Variants in GADL1 observed in about 807,000 individuals in gnomAD.
The protein encoded by GADL1 is GAD like acidic amino acid decarboxylase 1.
Under a neutral mutation model 69.5 loss-of-function variants are expected in GADL1, and 71 were observed. The ratio of observed to expected loss-of-function variants is 1.02; its 90% CI spans 0.84 to 1.25. The LOEUF (loss-of-function observed/expected upper bound fraction) is 1.25, where lower values mean the gene tolerates loss of function less well. GADL1 is among the 50% of genes most tolerant of loss of function. The pLI is 0.00. For missense variants in GADL1, 737 were observed against 631.8 expected (o/e 1.17, Z -1.79); for synonymous variants, 254 against 214.4 (o/e 1.18, Z -1.62).
chr3:30,799,838 CAG>C (rs535457785), intron 12 of GADL1: 8 of 152,394 alleles, frequency 5.2e-5, no homozygotes, highest in African/African-American at 1.7e-4. Context: ...ATCTCTAGGA[CAG>C]GGGCAAAATG....
intron 11 of GADL1, among the ~76,000 whole-genome samples, chr3:30,804,797 T>C (rs746699689): frequency 1.3e-5 from 2 of 152,230 alleles, no homozygotes; most frequent in Non-Finnish European, 2.9e-5. Flanking sequence ...TTTACTACTT[T>C]ACTGTCTGGT....
chr3:30,813,184 C>T (rs542044366), intron 11 of GADL1, among the ~76,000 whole-genome samples: 3 of 152,304 alleles, frequency 2.0e-5, no homozygotes, highest in Non-Finnish European at 4.4e-5. Context: ...CTGTCAACTA[C>T]ATCACCTTGC....
intron 14 of GADL1, among the ~76,000 whole-genome samples, chr3:30,755,413 A>C (rs1425099432): frequency 6.6e-6 from 1 of 152,176 alleles, no homozygotes; most frequent in African/African-American, 2.4e-5. Flanking sequence ...ATAAGCTAAA[A>C]ACTTCTCTAA....
At chr3:30,861,572 C>G (rs1284391128) in intron 2 of GADL1, 21 bp downstream of exon 2, 20 of 1,526,330 alleles carry the variant, frequency 1.3e-5, no homozygotes, top group Non-Finnish European at 1.6e-5. Flanking sequence ...TCTGCAATTT[C>G]TTACAGGTTT....
intron 12 of GADL1, among the ~76,000 whole-genome samples, chr3:30,790,998 CT>C (rs35630766): frequency 0.034 from 4,976 of 146,558 alleles, 347 homozygotes; most frequent in East Asian, 0.32. Flanking sequence ...AATTTTTACA[CT>C]TTTTTTTTTT....
intron 2 of GADL1, among the ~76,000 whole-genome samples, chr3:30,857,590 C>T (rs1361579715): frequency 6.6e-6 from 1 of 151,956 alleles, no homozygotes; most frequent in Non-Finnish European, 1.5e-5. Context: ...CAGTTTTTCT[C>T]TCTGTGTGTA....
chr3:30,828,827 T>C (rs1575224214), intron 11 of GADL1, among the ~76,000 whole-genome samples: 1 of 151,882 alleles, frequency 6.6e-6, no homozygotes, highest in Non-Finnish European at 1.5e-5. Flanking sequence ...GTAAATGCTT[T>C]TGAAGAAAGA....
chr3:30,801,869 C>A (rs115174730), intron 11 of GADL1, among the ~76,000 whole-genome samples: 2,484 of 152,194 alleles, frequency 0.016, 71 homozygotes, highest in African/African-American at 0.056. Flanking sequence ...CTGACAACTC[C>A]CCCAAAATAT....
At chr3:30,810,391 A>T (rs578199720) in intron 11 of GADL1, among the ~76,000 whole-genome samples, 29 of 152,132 alleles carry the variant, frequency 1.9e-4, no homozygotes, top group Admixed American at 3.9e-4. Flanking sequence ...ATATATATAG[A>T]CAGACAGATA....
intron 14 of GADL1, among the ~76,000 whole-genome samples, chr3:30,735,016 T>C (rs1695522179): frequency 6.6e-6 from 1 of 151,950 alleles, no homozygotes; most frequent in African/African-American, 2.4e-5. Context: ...TCTACTTTGT[T>C]GTTGTTGTTT....
At chr3:30,857,703 T>G (rs143797603) in intron 2 of GADL1, among the ~76,000 whole-genome samples, 1 of 151,970 alleles carries the variant, frequency 6.6e-6, no homozygotes, top group Non-Finnish European at 1.5e-5. Context: ...GGCTCCCTGT[T>G]TCTTTCAAAG....
At position 30,728,355 on chromosome 3, in the gene GADL1, G is replaced by C; in HGVS notation, c.1453C>G (p.Pro485Ala). 1 of 1,613,868 alleles carries C rather than the reference G, an allele frequency of 6.2e-7. No homozygotes were observed. Among genetic ancestry groups the C allele is most frequent in the Non-Finnish European group, 8.5e-7 (1 of 1,179,812 alleles). Residue 485 changes from proline to alanine, a missense_variant, in exon 15 of 15, where the codon CCG becomes GCG. Coordinates refer to ENST00000282538, the MANE Select transcript of GADL1 (RefSeq NM_207359.3). ...AAGAAGTTGACCTTTCCCCGGTGCGGCTGGTAGCCCAGCATCAAGCTTCCC... is the reference window on the plus strand; with the variant it reads ...AAGAAGTTGACCTTTCCCCGGTGCGCCTGGTAGCCCAGCATCAAGCTTCCC... ...KKGSLMLGYQ[P>A]HRGKVNFFRQ...
Position 30,735,221 on chromosome 3 carries a change from C to G in GADL1, c.1393-6806G>C, listed in dbSNP as rs114450419. Among the ~76,000 whole-genome samples, 4 of 151,418 alleles carry G rather than the reference C, an allele frequency of 2.6e-5. No homozygotes were observed. In the East Asian group the frequency reaches 7.7e-4, roughly 29 times the overall value. On this transcript the variant is annotated intron_variant, in intron 14 of 14. Transcript: ENST00000282538. ...TCACACTATACAATTTAACCTTCTACGGCAATTGTTTGTTAATGAAAAATT... is the reference window on the plus strand; with the variant it reads ...TCACACTATACAATTTAACCTTCTAGGGCAATTGTTTGTTAATGAAAAATT...
chr3:30,819,260 C>G (rs2125516708), intron 11 of GADL1, among the ~76,000 whole-genome samples: 1 of 152,066 alleles, frequency 6.6e-6, no homozygotes, highest in South Asian at 2.1e-4. Context: ...CTCCCCAACT[C>G]TGAGGCCTGT....
At chr3:30,749,461 A>C (rs1156862363) in intron 14 of GADL1, among the ~76,000 whole-genome samples, 2 of 152,200 alleles carry the variant, frequency 1.3e-5, no homozygotes, top group African/African-American at 4.8e-5. Context: ...AGCTGTCACT[A>C]TCTTTAATCC....
At chr3:30,879,345 A>G (rs59645292) in intron 1 of GADL1, among the ~76,000 whole-genome samples, 7,447 of 151,934 alleles carry the variant, frequency 0.049, 651 homozygotes, top group African/African-American at 0.17. Flanking sequence ...TCATCAGAGA[A>G]AGCCCACTGG....
At chr3:30,787,794 A>G (rs756099354) in intron 12 of GADL1, among the ~76,000 whole-genome samples, 10 of 152,212 alleles carry the variant, frequency 6.6e-5, no homozygotes, top group Non-Finnish European at 1.2e-4. Flanking sequence ...TTTTAAAATA[A>G]TAAACATAAA....
At chr3:30,812,438 C>T (rs1697375094) in intron 11 of GADL1, among the ~76,000 whole-genome samples, 1 of 152,184 alleles carries the variant, frequency 6.6e-6, no homozygotes, top group Non-Finnish European at 1.5e-5. Flanking sequence ...AGGCACATTG[C>T]TCATGGCAAC....
chr3:30,846,830 C>T (rs1307564779), intron 6 of GADL1, among the ~76,000 whole-genome samples: 1 of 152,130 alleles, frequency 6.6e-6, no homozygotes, highest in Non-Finnish European at 1.5e-5. Flanking sequence ...AACTCAACCT[C>T]AGCCCTCACC....
Sources: gnomAD v4.1 joint callset for allele counts (sites outside exome capture counted in the v4.1 genomes callset) on GRCh38, gnomAD v4.1.1 for gene constraint, MANE v1.5 for transcripts, NCBI Gene and HGNC (gene_info 2026-07-23, HGNC 2026-07-21) for gene names.